The following KCNT1 variants were observed in gnomAD, a reference collection of about 807,000 sequenced individuals.
KCNT1 encodes the protein potassium sodium-activated channel subfamily T member 1, also known as potassium channel subfamily T member 1.
Under a neutral mutation model 147.8 loss-of-function variants are expected in KCNT1, and 78 were observed. That is an observed-to-expected ratio of 0.53 (90% CI 0.44 to 0.64). The LOEUF (loss-of-function observed/expected upper bound fraction) is 0.64. Among genes scored for constraint, KCNT1 ranks in the 30% least tolerant of loss-of-function variants. KCNT1 has a pLI of 0.00. For synonymous variants in KCNT1, 867 were observed against 748.8 expected (o/e 1.16, Z -2.58); for missense variants, 1,419 against 1,750.3 (o/e 0.81, Z 3.38).
In KCNT1 at chr9:135,770,013, C is replaced by T. The variant is rs753874335; in HGVS notation, c.1577C>T (p.Thr526Ile). ...GCGCTGAACTGCATCTGCCCGGCGA[C>T]CTCCACCCTCATCACCCTGCTGGTG... ...MLALNCICPATSTLITLLVHT... is the reference protein window; with the variant it reads ...MLALNCICPAISTLITLLVHT... The change falls in exon 16 of 31, where the codon ACC becomes ATC. Residue 526 changes from threonine to isoleucine, a missense_variant. By Grantham distance (89) the Thr-to-Ile change is moderately conservative. Coordinates refer to ENST00000371757, the MANE Select transcript of KCNT1 (RefSeq NM_020822.3). 3 of 1,555,820 alleles carry T rather than the reference C, an allele frequency of 1.9e-6. No individual in the cohort carries two copies. Among genetic ancestry groups the T allele is most frequent in the Non-Finnish European group, 2.6e-6 (3 of 1,150,074 alleles).
At chr9:135,765,410 C>T (rs991742585) in intron 12 of KCNT1, among the ~76,000 whole-genome samples, 1 of 152,130 alleles carries the variant, frequency 6.6e-6, no homozygotes, top group Non-Finnish European at 1.5e-5. Context: ...TCCCTGAGTC[C>T]TCTCAGCCTC....
At position 135,791,659 on chromosome 9, in the gene KCNT1, G is replaced by A. The variant is rs1036026103; in HGVS notation, c.3503-138G>A. 3 of 739,292 alleles carry A rather than the reference G, an allele frequency of 4.1e-6. No homozygotes were observed. The African/African-American group carries it at 5.2e-5, about 13-fold the overall frequency. The allele number at this position is 739,292 out of a possible 1,614,324, so 45.8% of individuals were successfully genotyped here. ...GATGGGCCCTGGCTGGGCTCACCAG[G>A]ATGAGGTGCTGGAGCAGAATGGTCA... On this transcript the variant is annotated intron_variant, in intron 29 of 30. Transcript: ENST00000371757.
At position 135,758,473 on chromosome 9, in the gene KCNT1, C is replaced by T. The variant is rs752046474; in HGVS notation, c.819C>T (p.Ile273=). ...TQSAMFNQVL[I]LFCTLLCLVF... is the part of the protein sequence containing the mutation. ...CAGCCATGTTCAACCAGGTCCTCAT[C>T]CTCTTCTGCACCCTGCTGTGCCTCG... Residue 273 remains isoleucine, a synonymous_variant, in exon 10 of 31, where the codon ATC becomes ATT. Transcript: ENST00000371757. 1 of 1,613,772 alleles carries T rather than the reference C, an allele frequency of 6.2e-7. No homozygotes were observed. Among genetic ancestry groups the T allele is most frequent in the East Asian group, 2.2e-5 (1 of 44,886 alleles).
At position 135,745,507 on chromosome 9, in the gene KCNT1, G is replaced by A. The variant is rs551923746; in HGVS notation, c.255-4591G>A. Among the ~76,000 whole-genome samples the A allele has an allele frequency of 6.6e-5, 10 of 152,380 alleles. 1 individual carries two copies. The South Asian group carries it at 2.1e-3, about 32-fold the overall frequency. ...AAGGCCTGCGCTGTCTCTTTTGGCT[G>A]ACGTGGGTCCTGATGGTTTGAGCAG... On this transcript the variant is annotated intron_variant, in intron 2 of 30. Coordinates refer to ENST00000371757, the MANE Select transcript of KCNT1 (RefSeq NM_020822.3).
At position 135,792,295 on chromosome 9, in the gene KCNT1, C is replaced by A; in HGVS notation, c.*134C>A. ...CTACTCACCATGGCTCCTGGGACTC[C>A]ACCCTGGAAAGGAGCCCCTCATGCG... On this transcript the variant is annotated 3_prime_UTR_variant, in exon 31 of 31. Transcript: ENST00000371757. The A allele has an allele frequency of 1.7e-6, 2 of 1,195,520 alleles. No individual in the cohort carries two copies. The highest frequency in any genetic ancestry group is 2.8e-5 in the Admixed American group (1 of 35,526). 74.1% of individuals were successfully genotyped at this position (1,195,520 alleles called of 1,614,324 possible). A position where few individuals can be genotyped will look rare whatever the true frequency, so the allele number is the denominator to read the frequency against.
chr9:135,764,959 G>T, intron 11 of KCNT1, 72 bp from the exon 12 acceptor site: 3 of 1,510,988 alleles, frequency 2.0e-6, no homozygotes, highest in East Asian at 2.4e-5. Context: ...GTGTGTCAGG[G>T]CCCAGGTTCT....
At chr9:135,743,295 G>T (rs1371507260) in intron 2 of KCNT1, among the ~76,000 whole-genome samples, 1 of 152,124 alleles carries the variant, frequency 6.6e-6, no homozygotes, top group East Asian at 1.9e-4. Flanking sequence ...TAGGTCAAAT[G>T]GAAGAGGCTT....
In KCNT1 at chr9:135,711,803, G is replaced by C. The variant is rs186771644; in HGVS notation, c.111-2774G>C. On this transcript the variant is annotated intron_variant, in intron 1 of 30. Transcript: ENST00000371757. ...GGCACGCTGGGCGCCGGCCACCCTGGGTCATAGCCTTTGTCCATAAGAGCT... is the reference window on the plus strand; with the variant it reads ...GGCACGCTGGGCGCCGGCCACCCTGCGTCATAGCCTTTGTCCATAAGAGCT... Among the ~76,000 whole-genome samples, 202 of 152,298 alleles carry C rather than the reference G, an allele frequency of 1.3e-3. 2 individuals carry two copies. Among genetic ancestry groups the C allele is most frequent in the African/African-American group, 4.5e-3 (188 of 41,550 alleles).
Position 135,752,062 on chromosome 9 carries a change from A to G in KCNT1, c.434+1021A>G, listed in dbSNP as rs1355100023. Reference sequence around the variant, plus strand: ...TTTTCATACCCGTAGATTTCCTCAAATGTCTGGTGCCGTTTATGCGTAAGA... The same window carrying G: ...TTTTCATACCCGTAGATTTCCTCAAGTGTCTGGTGCCGTTTATGCGTAAGA... On this transcript the variant is annotated intron_variant, in intron 4 of 30. Coordinates refer to ENST00000371757, the MANE Select transcript of KCNT1 (RefSeq NM_020822.3). The surrounding 1 kb of genome is among the most constrained non-coding windows in gnomAD (Gnocchi z 5.1). The G allele has an allele frequency of 4.7e-6, 1 of 211,982 alleles. No homozygotes were observed. The highest frequency in any genetic ancestry group is 5.4e-5 in the Admixed American group (1 of 18,576). The allele number at this position is 211,982 out of a possible 1,614,324, so 13.1% of individuals were successfully genotyped here. A position where few individuals can be genotyped will look rare whatever the true frequency, so the allele number is the denominator to read the frequency against.
intron 2 of KCNT1, among the ~76,000 whole-genome samples, chr9:135,719,059 C>T (rs972652830): frequency 1.3e-5 from 2 of 152,206 alleles, no homozygotes; most frequent in Admixed American, 1.3e-4. Context: ...CATTCAGCCA[C>T]AGTCCACCTG....
At chr9:135,753,295 G>A (rs939115541) in intron 4 of KCNT1, among the ~76,000 whole-genome samples, 3 of 152,204 alleles carry the variant, frequency 2.0e-5, no homozygotes, top group Admixed American at 2.0e-4. Flanking sequence ...ATCACCAGGG[G>A]CCTTGTGAGC....
At chr9:135,749,988 C>T in intron 2 of KCNT1, 110 bp from the exon 3 acceptor site, 1 of 836,006 alleles carries the variant, frequency 1.2e-6, no homozygotes, top group South Asian at 1.4e-5. Flanking sequence ...GACTTCTCAA[C>T]TCCTGCAGTT....
intron 1 of KCNT1, among the ~76,000 whole-genome samples, chr9:135,711,875 A>G (rs1429475861): frequency 6.6e-6 from 1 of 152,152 alleles, no homozygotes; most frequent in Non-Finnish European, 1.5e-5. Flanking sequence ...TGAAGCACTC[A>G]CCTGCAGGCC....
At chr9:135,713,002 A>G (rs1835563871) in intron 1 of KCNT1, among the ~76,000 whole-genome samples, 1 of 152,196 alleles carries the variant, frequency 6.6e-6, no homozygotes, top group South Asian at 2.1e-4. Flanking sequence ...AAGCAAGCCA[A>G]GGTCCAAGCC....
chr9:135,713,235 T>G (rs1835577940), intron 1 of KCNT1, among the ~76,000 whole-genome samples: 3 of 152,248 alleles, frequency 2.0e-5, no homozygotes, highest in Admixed American at 1.3e-4. Flanking sequence ...CCTGCCTGCC[T>G]GCACCTCCCC....
intron 7 of KCNT1, 56 bp from the exon 8 acceptor site, chr9:135,757,100 C>CCT: frequency 1.3e-6 from 1 of 775,830 alleles, no homozygotes; most frequent in Non-Finnish European, 2.2e-6. Context: ...CCCTCCCCTG[C>CCT]TGGGCCCCAC....
intron 29 of KCNT1, chr9:135,789,839 CCAGGCCCT>C (rs1222302954): frequency 6.6e-6 from 1 of 152,510 alleles, no homozygotes; most frequent in Non-Finnish European, 1.5e-5. Flanking sequence ...CTGCCCCACC[CCAGGCCCT>C]CAGGCACACC....
At chr9:135,773,296 C>A (rs1832890052) in intron 19 of KCNT1, among the ~76,000 whole-genome samples, 1 of 152,188 alleles carries the variant, frequency 6.6e-6, no homozygotes, top group African/African-American at 2.4e-5. Flanking sequence ...AGAGAGGGGC[C>A]CGTTCCCACC....
At chr9:135,728,278 C>T (rs1012396363) in intron 2 of KCNT1, among the ~76,000 whole-genome samples, 2 of 152,218 alleles carry the variant, frequency 1.3e-5, no homozygotes, top group African/African-American at 4.8e-5. Context: ...GCTTCAAGCC[C>T]CCCGCTGTGG....
Sources: gnomAD v4.1 joint callset for allele counts (sites outside exome capture counted in the v4.1 genomes callset) on GRCh38, gnomAD v4.1.1 for gene constraint, Gnocchi (gnomAD v3.1) non-coding constraint, MANE v1.5 for transcripts, NCBI Gene and HGNC (gene_info 2026-07-23, HGNC 2026-07-21) for gene names.